Variants in LAMP5 observed in about 807,000 individuals in gnomAD.
The protein encoded by LAMP5 is lysosome associated membrane protein 5.
Under a neutral mutation model 30.2 loss-of-function variants are expected in LAMP5, and 36 were observed. The observed-to-expected ratio is 1.19, with a 90% confidence interval of 0.91 to 1.57. The LOEUF is 1.57. LAMP5 is among the 40% of genes most tolerant of loss of function. The pLI is 0.00. For missense variants in LAMP5, 377 were observed against 354.9 expected (o/e 1.06, Z -0.50); for synonymous variants, 149 against 134.6 (o/e 1.11, Z -0.74).
intron 5 of LAMP5, among the ~76,000 whole-genome samples, chr20:9,519,255 C>G (rs2045063910): frequency 6.6e-6 from 1 of 152,016 alleles, no homozygotes; most frequent in South Asian, 2.1e-4. Context: ...TTGTTTATGC[C>G]TTTCTTTGGG....
At chr20:9,520,746 A>G (rs1282123172) in intron 5 of LAMP5, among the ~76,000 whole-genome samples, 1 of 152,198 alleles carries the variant, frequency 6.6e-6, no homozygotes, top group Non-Finnish European at 1.5e-5. Flanking sequence ...TGAGAAAATC[A>G]AGGTAGTGTC....
chr20:9,517,438 A>ATT (rs11379487), intron 4 of LAMP5, among the ~76,000 whole-genome samples: 105 of 150,140 alleles, frequency 7.0e-4, no homozygotes, highest in African/African-American at 1.2e-3. Context: ...ATTATTAGGG[A>ATT]TTTTTTTTTT....
chr20:9,529,511 CTA>C (rs1173737364), intron 5 of LAMP5, 129 bp from the exon 6 acceptor site: 61 of 925,286 alleles, frequency 6.6e-5, no homozygotes, highest in Non-Finnish European at 9.6e-5. Flanking sequence ...TTAGGGAAAA[CTA>C]TTTCTGAAAA....
rs1163952317 is a variant in LAMP5 at position 9,515,483 on chromosome 20, A to C, written c.95A>C (p.Glu32Ala). 1.9e-6 allele frequency: 3 copies of C among 1,614,020 alleles called. No homozygotes were observed. Among genetic ancestry groups the C allele is most frequent in the Non-Finnish European group, 2.5e-6 (3 of 1,180,032 alleles). ...ATGGCTCAAATCATGGCAGAACAAG[A>C]AGTGGAAAATCTCTCAGGCCTTTCC... ...HTMAQIMAEQ[E>A]VENLSGLSTN... The change falls in exon 2 of 6, where the codon GAA becomes GCA. Residue 32 changes from glutamate to alanine, a missense_variant. Physicochemically the swap from Glu to Ala is moderately radical, Grantham distance 107 (BLOSUM62 -1). Transcript: ENST00000246070.
At chr20:9,527,267 G>A (rs1230105819) in intron 5 of LAMP5, among the ~76,000 whole-genome samples, 1 of 151,976 alleles carries the variant, frequency 6.6e-6, no homozygotes, top group Non-Finnish European at 1.5e-5. Flanking sequence ...TTACTCCTGG[G>A]CAAACCACTT....
In LAMP5 at chr20:9,526,848, A is replaced by ATGTG. The variant is rs199927844; in HGVS notation, c.665-2784_665-2781dup. Among the ~76,000 whole-genome samples, 14 of 108,334 alleles carry ATGTG rather than the reference A, an allele frequency of 1.3e-4. 1 individual carries two copies. The highest frequency in any genetic ancestry group is 4.0e-4 in the Admixed American group (4 of 10,042). The allele number at this position is 108,334 out of a possible 152,430, so 71.1% of individuals were successfully genotyped here. Reference sequence around the variant, plus strand: ...GTGTATTATATAGATACATATACATATGTGTGTGTGTGTATATATATATAT... The same window carrying ATGTG: ...GTGTATTATATAGATACATATACATATGTGTGTGTGTGTGTGTATATATATATAT... On this transcript the variant is annotated intron_variant, in intron 5 of 5. Coordinates refer to ENST00000246070, the MANE Select transcript of LAMP5 (RefSeq NM_012261.4).
Position 9,529,913 on chromosome 20 carries a change from C to A in LAMP5, c.*93C>A. The A allele has an allele frequency of 4.0e-6, 5 of 1,263,544 alleles. No individual in the cohort carries two copies. The highest frequency in any genetic ancestry group is 5.6e-6 in the Non-Finnish European group (5 of 892,826). The allele number at this position is 1,263,544 out of a possible 1,614,324, so 78.3% of individuals were successfully genotyped here. On this transcript the variant is annotated 3_prime_UTR_variant, in exon 6 of 6. Transcript: ENST00000246070. ...TTTCCATCTTGTACACGAGATACACCAACATAGCTACAATCAAACAGGCCT... is the reference window on the plus strand; with the variant it reads ...TTTCCATCTTGTACACGAGATACACAAACATAGCTACAATCAAACAGGCCT...
intron 5 of LAMP5, among the ~76,000 whole-genome samples, chr20:9,520,952 G>A (rs1299783578): frequency 4.4e-5 from 5 of 114,820 alleles, no homozygotes; most frequent in East Asian, 3.0e-4. Flanking sequence ...TTGTTAGCAC[G>A]CAGAGTTGGT....
At chr20:9,518,823 G>T (rs1041790807) in intron 5 of LAMP5, among the ~76,000 whole-genome samples, 17 of 152,350 alleles carry the variant, frequency 1.1e-4, no homozygotes, top group African/African-American at 3.6e-4. Flanking sequence ...GAGGGGGTGG[G>T]TGCGTATGCA....
Position 9,529,722 on chromosome 20 carries a change from A to T in LAMP5, c.745A>T (p.Ile249Phe), listed in dbSNP as rs769176682. 14 of 1,614,096 alleles carry T rather than the reference A, an allele frequency of 8.7e-6. 1 individual carries two copies. In the Admixed American group the frequency reaches 2.3e-4, roughly 27 times the overall value. Residue 249 changes from isoleucine to phenylalanine, a missense_variant, in exon 6 of 6, where the codon ATC becomes TTC. Transcript: ENST00000246070. ...LILGLILGLV[I>F]MVTLAIYHVH... is the part of the protein sequence containing the mutation. ...TTTGGGGCTCATCTTGGGCCTCGTC[A>T]TCATGGTAACACTCGCGATTTACCA...
intron 5 of LAMP5, among the ~76,000 whole-genome samples, chr20:9,523,836 T>C (rs1418749362): frequency 3.9e-5 from 6 of 152,238 alleles, no homozygotes; most frequent in Non-Finnish European, 8.8e-5. Context: ...TCAGAGGCCT[T>C]CCTTGTTTTG....
intron 2 of LAMP5, 69 bp downstream of exon 2, chr20:9,515,694 C>A: frequency 1.3e-6 from 2 of 1,536,884 alleles, no homozygotes; most frequent in East Asian, 2.3e-5. Context: ...TTCCTCAAGG[C>A]TCTTCGAAGA....
chr20:9,515,613 C>G lies in LAMP5; in HGVS notation c.225C>G (p.Ser75Arg). 1 of 1,613,466 alleles carries G rather than the reference C, an allele frequency of 6.2e-7. No homozygotes were observed. The highest frequency in any genetic ancestry group is 1.3e-5 in the African/African-American group (1 of 74,654). The stretch of plus-strand genomic sequence containing the variant: ...TTGTACCTTATGATGTGTGGGCCAG[C>G]AACTACGTAGATGTAAGGAATCTTT... ...KFIVPYDVWA[S>R]NYVDLITEQA... The change falls in exon 2 of 6, where the codon AGC becomes AGG. Residue 75 changes from serine to arginine, a missense_variant. By Grantham distance (110) the Ser-to-Arg change is moderately radical. Transcript: ENST00000246070.
Position 9,518,229 on chromosome 20 carries a change from G to C in LAMP5, c.664+1G>C. On this transcript the variant is annotated splice_donor_variant, in intron 5 of 5. Coordinates refer to ENST00000246070, the MANE Select transcript of LAMP5 (RefSeq NM_012261.4). LOFTEE classifies it high-confidence loss of function. Reference sequence around the variant, plus strand: ...ATCTCAGATTTTGTCTTCAGTGAAGGTAAGTTGTTGGGGGATGGAGGGGAA... The same window carrying C: ...ATCTCAGATTTTGTCTTCAGTGAAGCTAAGTTGTTGGGGGATGGAGGGGAA... The C allele has an allele frequency of 6.2e-7, 1 of 1,613,902 alleles. No individual in the cohort carries two copies. The highest frequency in any genetic ancestry group is 1.1e-5 in the South Asian group (1 of 91,066).
intron 5 of LAMP5, 142 bp from the exon 6 acceptor site, chr20:9,529,500 G>C (rs2045135654): frequency 3.9e-6 from 3 of 770,394 alleles, no homozygotes; most frequent in Non-Finnish European, 6.1e-6. Context: ...CTAGGGGTTG[G>C]TTAGGGAAAA....
chr20:9,529,842 CT>C lies in LAMP5; in HGVS notation c.*23del, dbSNP rs1568946539. ...CTAGAGGCCGTTAGGCAGGCACCCC[CT>C]ATTCCTGCTCCCCCAACTGGATCAG... On this transcript the variant is annotated 3_prime_UTR_variant, in exon 6 of 6. Coordinates refer to ENST00000246070, the MANE Select transcript of LAMP5 (RefSeq NM_012261.4). The C allele has an allele frequency of 1.9e-6, 3 of 1,610,964 alleles. No individual in the cohort carries two copies. The highest frequency in any genetic ancestry group is 1.3e-5 in the African/African-American group (1 of 75,030).
intron 5 of LAMP5, among the ~76,000 whole-genome samples, chr20:9,526,852 G>A (rs1384505036): frequency 2.4e-5 from 2 of 83,330 alleles, no homozygotes; most frequent in East Asian, 6.2e-4. Context: ...ATACATATGT[G>A]TGTGTGTGTA....
chr20:9,515,664 C>A, intron 2 of LAMP5, 39 bp downstream of exon 2: 2 of 1,601,364 alleles, frequency 1.2e-6, no homozygotes. Flanking sequence ...GCTCCTAGGG[C>A]TCCAGGGCGA....
chr20:9,526,858 GTGTATATATATATATATATATATATA>G (rs1434158294), intron 5 of LAMP5, among the ~76,000 whole-genome samples: 11 of 90,638 alleles, frequency 1.2e-4, no homozygotes, highest in African/African-American at 4.4e-4. Flanking sequence ...ATGTGTGTGT[GTGTATATATATATATATATATATATA>G]TATATATATA....
Sources: gnomAD v4.1 joint callset for allele counts (sites outside exome capture counted in the v4.1 genomes callset) on GRCh38, gnomAD v4.1.1 for gene constraint, MANE v1.5 for transcripts, NCBI Gene and HGNC (gene_info 2026-07-23, HGNC 2026-07-21) for gene names.